MTRF1: variants seen among roughly 807,000 people sequenced by gnomAD.
MTRF1 encodes peptide chain release factor 1, mitochondrial.
A neutral mutation model predicts 62.9 loss-of-function variants in MTRF1; 51 were observed. That is an observed-to-expected ratio of 0.81 (90% CI 0.65 to 1.02). The LOEUF (loss-of-function observed/expected upper bound fraction) is 1.02, where lower values mean the gene tolerates loss of function less well. Among genes scored for constraint, MTRF1 ranks in the 50% least tolerant of loss-of-function variants. The probability of loss-of-function intolerance (pLI) is 0.00; values close to 1 mark genes in which losing one functional copy is unlikely to be tolerated. For synonymous variants in MTRF1, 158 were observed against 181.9 expected (o/e 0.87, Z 1.06); for missense variants, 446 against 530.0 (o/e 0.84, Z 1.56).
rs572355078 is a variant in MTRF1 at position 41,249,397 on chromosome 13, C to T, written c.697+3248G>A. Among the ~76,000 whole-genome samples, 409 of 151,878 alleles carry T rather than the reference C, an allele frequency of 2.7e-3. 5 individuals carry two copies. The highest frequency in any genetic ancestry group is 1.9e-3 in the South Asian group (9 of 4,810). On this transcript the variant is annotated intron_variant, in intron 5 of 9. Coordinates refer to ENST00000379480, the MANE Select transcript of MTRF1 (RefSeq NM_004294.4). The stretch of plus-strand genomic sequence containing the variant: ...TCTACTAAAAATACAAAAAATTAGC[C>T]GGGCGTAGTGGCGGGTGCCTGTAGT...
the MTRF1 span, among the ~76,000 whole-genome samples, chr13:41,295,732 T>C: frequency 6.6e-6 from 1 of 152,172 alleles, no homozygotes; most frequent in Admixed American, 6.5e-5. Flanking sequence ...TGAATAACTA[T>C]TATTTAACAG....
At chr13:41,256,820 T>G (rs774788848) in intron 2 of MTRF1, among the ~76,000 whole-genome samples, 2 of 152,234 alleles carry the variant, frequency 1.3e-5, no homozygotes, top group African/African-American at 4.8e-5. Flanking sequence ...TAATTCAATT[T>G]TATTATATCA....
At chr13:41,238,554 C>T (rs767130554) in intron 6 of MTRF1, among the ~76,000 whole-genome samples, 13 of 151,962 alleles carry the variant, frequency 8.6e-5, no homozygotes, top group South Asian at 6.2e-4. Flanking sequence ...GAAGGAATGG[C>T]GGAATTAGAA....
chr13:41,247,604 C>G (rs1258510337), intron 5 of MTRF1, among the ~76,000 whole-genome samples: 4 of 152,140 alleles, frequency 2.6e-5, no homozygotes, highest in Non-Finnish European at 1.5e-5. Context: ...CTGCATTTTT[C>G]AGGTCCTTGG....
At chr13:41,263,913 C>A (rs1215342815), upstream of MTRF1, among the ~76,000 whole-genome samples, 2 of 152,218 alleles carry the variant, frequency 1.3e-5, no homozygotes, top group African/African-American at 4.8e-5. Flanking sequence ...CCTCCAACCC[C>A]CTCCACTCAC....
the MTRF1 span, among the ~76,000 whole-genome samples, chr13:41,272,705 A>G: frequency 7.2e-5 from 11 of 152,312 alleles, no homozygotes; most frequent in African/African-American, 2.6e-4. Context: ...GCCTTCTACC[A>G]TCCTAGAAGC....
At chr13:41,305,551 C>T in the MTRF1 span, among the ~76,000 whole-genome samples, 3 of 152,194 alleles carry the variant, frequency 2.0e-5, no homozygotes, top group Non-Finnish European at 4.4e-5. Flanking sequence ...ACTTCTCCTG[C>T]GCTACACTCC....
At chr13:41,283,563 A>G in the MTRF1 span, among the ~76,000 whole-genome samples, 1 of 136,372 alleles carries the variant, frequency 7.3e-6, no homozygotes, top group Non-Finnish European at 1.6e-5. Flanking sequence ...TCTACTCTAC[A>G]TTCTGTGTGA....
intron 5 of MTRF1, among the ~76,000 whole-genome samples, chr13:41,243,367 T>C (rs999322145): frequency 7.0e-6 from 1 of 142,370 alleles, no homozygotes; most frequent in Non-Finnish European, 1.5e-5. Flanking sequence ...ATGGTGCCAT[T>C]GCCCTCCAGC....
chr13:41,309,971 C>T, the MTRF1 span, among the ~76,000 whole-genome samples: 2 of 151,946 alleles, frequency 1.3e-5, no homozygotes, highest in African/African-American at 4.8e-5. Flanking sequence ...ATTCCAGCCT[C>T]GGCAACAAGA....
chr13:41,311,610 C>T, the MTRF1 span: 16 of 1,593,740 alleles, frequency 1.0e-5, no homozygotes, highest in South Asian at 4.5e-5. Context: ...GCGCTGCCGC[C>T]CCCCGGTCCC....
the MTRF1 span, among the ~76,000 whole-genome samples, chr13:41,280,194 C>T: frequency 6.6e-6 from 1 of 152,184 alleles, no homozygotes; most frequent in Admixed American, 6.5e-5. Context: ...CCTGGCTTCC[C>T]AAAGTGCTGG....
At chr13:41,306,390 A>G in the MTRF1 span, among the ~76,000 whole-genome samples, 8 of 152,124 alleles carry the variant, frequency 5.3e-5, no homozygotes, top group Non-Finnish European at 1.0e-4. Flanking sequence ...TCTCAAAAAA[A>G]AAAAAAGGAA....
chr13:41,291,964 A>C, the MTRF1 span, among the ~76,000 whole-genome samples: 1 of 152,236 alleles, frequency 6.6e-6, no homozygotes, highest in Non-Finnish European at 1.5e-5. Flanking sequence ...TATAAAAGTT[A>C]GGCTCTTAGA....
chr13:41,223,641 A>G (rs542789337), intron 8 of MTRF1, among the ~76,000 whole-genome samples: 6 of 152,320 alleles, frequency 3.9e-5, no homozygotes, highest in East Asian at 3.9e-4. Flanking sequence ...CCTGGTTTCT[A>G]TAAATGACAG....
chr13:41,218,281 ATTTTTTTTTTTTTTTTTT>A (rs199717534), intron 9 of MTRF1, among the ~76,000 whole-genome samples: 57,390 of 118,818 alleles, frequency 0.48, 12,068 homozygotes, highest in South Asian at 0.64. Flanking sequence ...CACCCAGCTA[ATTTTTTTTTTTTTTTTTT>A]TTTTTTTTTT....
At chr13:41,283,524 G>C in the MTRF1 span, among the ~76,000 whole-genome samples, 2 of 146,692 alleles carry the variant, frequency 1.4e-5, no homozygotes, top group African/African-American at 5.0e-5. Flanking sequence ...CTAACAAATA[G>C]AGAATTTGTT....
intron 1 of MTRF1, 110 bp downstream of exon 1, chr13:41,263,375 G>A (rs1011855616): frequency 8.9e-7 from 1 of 1,127,836 alleles, no homozygotes; most frequent in Non-Finnish European, 1.2e-6. Context: ...GCGACAGCCC[G>A]CGGGGCAGCA....
intron 1 of MTRF1, chr13:41,261,874 G>C: frequency 1.5e-6 from 1 of 688,160 alleles, no homozygotes; most frequent in Non-Finnish European, 1.8e-6. Flanking sequence ...AGTAGGGCTG[G>C]TGAAAAGCTC....
Sources: allele counts gnomAD v4.1 joint callset (sites outside exome capture counted in the v4.1 genomes callset), GRCh38; gene constraint gnomAD v4.1.1; transcripts MANE v1.5; gene names NCBI Gene and HGNC (gene_info 2026-07-23, HGNC 2026-07-21).